The following LAS1L variants were observed in gnomAD, a reference collection of about 807,000 sequenced individuals.
LAS1L encodes ribosomal biogenesis protein LAS1L.
Under a neutral mutation model 57.3 loss-of-function variants are expected in LAS1L, and 5 were observed. The observed-to-expected ratio is 0.09, with a 90% CI of 0.05 to 0.18. LAS1L has a LOEUF of 0.18. Among genes scored for constraint, LAS1L ranks in the 10% least tolerant of loss-of-function variants. LAS1L has a pLI of 1.00. For missense variants in LAS1L, 360 were observed against 568.3 expected, an observed-to-expected ratio of 0.63 and a Z score of 3.73; for synonymous variants, 245 against 231.7, an observed-to-expected ratio of 1.06 and a Z score of -0.52.
At chrX:65,522,083 G>A (rs1209729625) in intron 11 of LAS1L, 6 of 111,575 alleles carry the variant, frequency 5.4e-5, no homozygotes. Context: ...AGCCAGCAGA[G>A]CAAGGTAGAG....
intron 3 of LAS1L, among the ~76,000 whole-genome samples, chrX:65,531,959 A>G (rs1203349787): frequency 4.5e-5 from 5 of 111,356 alleles, no homozygotes; most frequent in African/African-American, 1.6e-4. Context: ...AAAGGCACAC[A>G]CCTCCCCTAA....
intron 12 of LAS1L, among the ~76,000 whole-genome samples, chrX:65,516,643 A>G (rs1223909419): frequency 1.5e-5 from 1 of 64,912 alleles, no homozygotes; most frequent in Non-Finnish European, 2.4e-5. Flanking sequence ...CTATACACAC[A>G]CACACACACA....
chrX:65,517,936 A>G (rs762549779), intron 12 of LAS1L, 51 bp downstream of exon 12: 2 of 1,143,622 alleles, frequency 1.7e-6, no homozygotes, highest in Non-Finnish European at 1.2e-6. Flanking sequence ...GGAAGCCTCA[A>G]GAGCCAGCCA....
Position 65,529,838 on chromosome X carries a change from C to T in LAS1L, c.555G>A (p.Trp185Ter). ...TCAGGCTGTTCTCCAGTTGGCGGCA[C>T]CAATAGGTCTTCTGGAGCCAATCCA... ...FVLDWLQKTY[W>*]CRQLENSLRE... is the part of the protein sequence containing the mutation. Residue 185 changes from tryptophan to a stop codon, truncating the protein, a stop_gained, in exon 5 of 14, where the codon TGG becomes TGA. Coordinates refer to ENST00000374811, the MANE Select transcript of LAS1L (RefSeq NM_031206.7). LOFTEE classifies it high-confidence loss of function. 8.3e-7 allele frequency: 1 copy of T among 1,211,797 alleles called. No individual in the cohort carries two copies. Among genetic ancestry groups the T allele is most frequent in the Non-Finnish European group, 1.1e-6 (1 of 895,477 alleles).
At chrX:65,526,952 C>G (rs1198889344) in intron 7 of LAS1L, among the ~76,000 whole-genome samples, 1 of 110,647 alleles carries the variant, frequency 9.0e-6, no homozygotes, top group African/African-American at 3.3e-5. Flanking sequence ...TGGCTCACAT[C>G]TGTAATCCCA....
chrX:65,527,841 T>A (rs946753814), intron 7 of LAS1L, among the ~76,000 whole-genome samples: 1 of 108,157 alleles, frequency 9.2e-6, no homozygotes, highest in African/African-American at 3.5e-5. Flanking sequence ...TCAAAAAAAA[T>A]AAATAAAAAA....
At chrX:65,520,849 T>C in intron 11 of LAS1L, 2 of 754,491 alleles carry the variant, frequency 2.7e-6, no homozygotes, top group Non-Finnish European at 3.1e-6. Context: ...GAAGGCCACC[T>C]ATCCAAACCT....
chrX:65,529,355 T>C, intron 5 of LAS1L, 97 bp from the exon 6 acceptor site: 7 of 796,602 alleles, frequency 8.8e-6, no homozygotes, highest in Admixed American at 3.1e-5. Flanking sequence ...TGAGTTGTAA[T>C]TGAGGAACTA....
chrX:65,525,936 T>C (rs1378810852), intron 7 of LAS1L, among the ~76,000 whole-genome samples: 1 of 110,808 alleles, frequency 9.0e-6, no homozygotes, highest in Non-Finnish European at 1.9e-5. Flanking sequence ...AATGTTGACC[T>C]TGGTGCCTGT....
intron 8 of LAS1L, 124 bp from the exon 9 acceptor site, chrX:65,524,738 A>C (rs1385151359): frequency 1.1e-5 from 5 of 450,145 alleles, no homozygotes; most frequent in African/African-American, 1.1e-4. Flanking sequence ...AGACTCCCCG[A>C]CCCCACCCCA....
rs1569437710 is a variant in LAS1L, at chrX:65,523,658, G to A, written c.1350C>T (p.Gly450=). The A allele has an allele frequency of 8.3e-7, 1 of 1,197,979 alleles. No individual in the cohort carries two copies. Among genetic ancestry groups the A allele is most frequent in the South Asian group, 1.8e-5 (1 of 54,729 alleles). Residue 450 remains glycine, a synonymous_variant, in exon 11 of 14, where the codon GGC becomes GGT. Coordinates refer to ENST00000374811, the MANE Select transcript of LAS1L (RefSeq NM_031206.7). ...AGGCGGAGCAGTTGAACAGCCTCCA[G>A]CCCCTTCTTGCTTCCCACTGGCCTG... ...FSAGQWEARR[G]WRLFNCSASL...
At chrX:65,533,530 G>A in intron 2 of LAS1L, 80 bp downstream of exon 2, 1 of 1,052,959 alleles carries the variant, frequency 9.5e-7, no homozygotes, top group Non-Finnish European at 1.3e-6. Context: ...AACACCTGAA[G>A]CCAAGTTTTG....
intron 7 of LAS1L, among the ~76,000 whole-genome samples, chrX:65,526,198 G>T (rs989197934): frequency 1.8e-5 from 2 of 111,908 alleles, no homozygotes; most frequent in East Asian, 5.6e-4. Context: ...ACAGGATACA[G>T]AAGCATGAGA....
intron 11 of LAS1L, chrX:65,523,347 G>A: frequency 2.9e-6 from 1 of 350,553 alleles, no homozygotes; most frequent in South Asian, 9.7e-5. Context: ...TTCCCACACT[G>A]GACTCAGTTC....
At chrX:65,518,874 CTT>C (rs1040202715) in intron 11 of LAS1L, 2 of 753,380 alleles carry the variant, frequency 2.7e-6, no homozygotes, top group Non-Finnish European at 3.1e-6. Context: ...AGATCCCTCT[CTT>C]CTCTGGCCTA....
chrX:65,533,515 C>T lies in LAS1L; in HGVS notation c.362+95G>A, dbSNP rs776408290. 3.2e-4 allele frequency: 279 copies of T among 875,857 alleles called. 1 individual carries two copies. The highest frequency in any genetic ancestry group is 4.2e-4 in the Non-Finnish European group (259 of 611,012). 72.2% of individuals were successfully genotyped at this position (875,857 alleles called of 1,213,427 possible). On this transcript the variant is annotated intron_variant, in intron 2 of 13. Coordinates refer to ENST00000374811, the MANE Select transcript of LAS1L (RefSeq NM_031206.7). ...GTGAGGTACACGCAGGGTTTTGCTTCAGGTAACACCTGAAGCCAAGTTTTG... is the reference window on the plus strand; with the variant it reads ...GTGAGGTACACGCAGGGTTTTGCTTTAGGTAACACCTGAAGCCAAGTTTTG...
chrX:65,525,748 C>CAA lies in LAS1L; in HGVS notation c.957-700_957-699dup, dbSNP rs772564998. Among the ~76,000 whole-genome samples the CAA allele has an allele frequency of 3.7e-3, 141 of 38,207 alleles. 3 individuals are homozygous for CAA. Among genetic ancestry groups the CAA allele is most frequent in the East Asian group, 0.011 (14 of 1,235 alleles). 33.2% of individuals were successfully genotyped at this position (38,207 alleles called of 115,157 possible). ...AGGTCTTCACCAAGGTCTGATTTTT[C>CAA]AAAAAAAAAAAAAAAAAAAAGAAAG... is the stretch of plus-strand genomic sequence containing the variant. On this transcript the variant is annotated intron_variant, in intron 7 of 13. Transcript: ENST00000374811.
rs2068569734 is a variant in LAS1L, at chrX:65,514,738, C to T, written c.2078+85G>A. 25 of 966,127 alleles carry T rather than the reference C, an allele frequency of 2.6e-5. No homozygotes were observed. The South Asian group carries it at 5.7e-4, about 22-fold the overall frequency. The allele number at this position is 966,127 out of a possible 1,213,427, so 79.6% of individuals were successfully genotyped here. Reference sequence around the variant, plus strand: ...AGGCCCTGACTGGGGACAGCTACCTCCCCCACCCACCTCACCTTGTCTTCT... The same window carrying T: ...AGGCCCTGACTGGGGACAGCTACCTTCCCCACCCACCTCACCTTGTCTTCT... On this transcript the variant is annotated intron_variant, in intron 13 of 13. Coordinates refer to ENST00000374811, the MANE Select transcript of LAS1L (RefSeq NM_031206.7).
intron 11 of LAS1L, chrX:65,521,197 T>C (rs1027069975): frequency 8.0e-6 from 6 of 753,147 alleles, no homozygotes; most frequent in African/African-American, 4.6e-5. Context: ...TTGGACTCAA[T>C]AGGGGGATCA....
Sources: allele counts gnomAD v4.1 joint callset (sites outside exome capture counted in the v4.1 genomes callset), GRCh38; gene constraint gnomAD v4.1.1; transcripts MANE v1.5; gene names NCBI Gene and HGNC (gene_info 2026-07-23, HGNC 2026-07-21).